Variants in CYB5R3 observed in about 807,000 individuals in gnomAD.
CYB5R3 encodes cytochrome b5 reductase 3.
A neutral mutation model predicts 36.5 loss-of-function variants in CYB5R3; 28 were observed. That is an observed-to-expected ratio of 0.77 (90% CI 0.57 to 1.05). CYB5R3 has a LOEUF of 1.05. CYB5R3 is among the 50% of genes least tolerant of loss of function. The pLI is 0.00. For missense variants in CYB5R3, 474 were observed against 408.9 expected (o/e 1.16, Z -1.37); for synonymous variants, 181 against 159.8 (o/e 1.13, Z -1.00).
chr22:42,627,526 C>G (rs893388221), intron 6 of CYB5R3, 79 bp downstream of exon 6: 11 of 1,499,374 alleles, frequency 7.3e-6, no homozygotes, highest in African/African-American at 1.4e-5. Context: ...CCCAGGCACT[C>G]AGAACCTGCG....
intron 8 of CYB5R3, among the ~76,000 whole-genome samples, chr22:42,623,532 T>A (rs1928096417): frequency 6.6e-6 from 1 of 152,024 alleles, no homozygotes; most frequent in African/African-American, 2.4e-5. Context: ...AGCTGGGCAG[T>A]GCAGTGCGCC....
chr22:42,639,859 G>C, intron 1 of CYB5R3: 1 of 1,200,280 alleles, frequency 8.3e-7, no homozygotes, highest in Non-Finnish European at 1.1e-6. Flanking sequence ...TTTTTTTTTG[G>C]AATTTCTGAC....
At chr22:42,630,320 G>C (rs949683749) in intron 4 of CYB5R3, among the ~76,000 whole-genome samples, 1 of 152,156 alleles carries the variant, frequency 6.6e-6, no homozygotes, top group Non-Finnish European at 1.5e-5. Flanking sequence ...TCCCTAGCAG[G>C]CCTGAGGGAC....
intron 8 of CYB5R3, among the ~76,000 whole-genome samples, chr22:42,623,370 G>A (rs1928085885): frequency 6.6e-6 from 1 of 152,178 alleles, no homozygotes; most frequent in Non-Finnish European, 1.5e-5. Flanking sequence ...ACTCCCCAGG[G>A]CTGACAATGG....
chr22:42,621,183 AGTGTGTGTGTGT>A lies in CYB5R3; in HGVS notation c.734-1250_734-1239del, dbSNP rs61564405. Among the ~76,000 whole-genome samples the A allele has an allele frequency of 3.0e-3, 448 of 147,814 alleles. 2 individuals are homozygous for A. The highest frequency in any genetic ancestry group is 0.01 in the African/African-American group (412 of 40,348). On this transcript the variant is annotated intron_variant, in intron 8 of 8. Transcript: ENST00000352397. ...TTCAATTTCACAGCGATTTCTTTTT[AGTGTGTGTGTGT>A]GTGTGTGTGTGTGTGTGTGTGTGTT...
chr22:42,618,748 C>T lies in CYB5R3; in HGVS notation c.*1025G>A, dbSNP rs1927778270. 6.6e-6 allele frequency: 1 copy of T among 151,632 alleles called. No individual in the cohort carries two copies. Among genetic ancestry groups the T allele is most frequent in the African/African-American group, 2.4e-5 (1 of 41,292 alleles). The allele number at this position is 151,632 out of a possible 1,614,324, so 9.4% of individuals were successfully genotyped here. A position where few individuals can be genotyped will look rare whatever the true frequency, so the allele number is the denominator to read the frequency against. On this transcript the variant is annotated 3_prime_UTR_variant, in exon 9 of 9. Transcript: ENST00000352397. ...AGAAAAAAAAAATGCTAGGTCTTCC[C>T]CAGCCCTTTCCTGACCCCACCCCTT... is the stretch of plus-strand genomic sequence containing the variant.
At chr22:42,630,142 G>T (rs978537425) in intron 4 of CYB5R3, among the ~76,000 whole-genome samples, 2 of 152,118 alleles carry the variant, frequency 1.3e-5, no homozygotes, top group African/African-American at 4.8e-5. Context: ...TGCTGGGGCC[G>T]TCATGCTGCC....
chr22:42,628,142 C>G lies in CYB5R3; in HGVS notation c.463+10G>C, dbSNP rs774593690. 6.2e-7 allele frequency: 1 copy of G among 1,613,812 alleles called. No homozygotes were observed. Among genetic ancestry groups the G allele is most frequent in the Non-Finnish European group, 8.5e-7 (1 of 1,179,906 alleles). On this transcript the variant is annotated intron_variant, in intron 5 of 8. Transcript: ENST00000352397. The stretch of plus-strand genomic sequence containing the variant: ...CTGCCGTGTAACCAAGGGATTCCGA[C>G]CCGAATCACCTTTGCCCTGGTAGAC...
Position 42,631,324 on chromosome 22 carries a change from A to C in CYB5R3, c.226+54T>G, listed in dbSNP as rs1928603632. The stretch of plus-strand genomic sequence containing the variant: ...TGTAAAGCTTCCATCTCTCTGATCT[A>C]GTGCCCCAGCAGCCTGCCGGGCTCC... On this transcript the variant is annotated intron_variant, in intron 3 of 8. Coordinates refer to ENST00000352397, the MANE Select transcript of CYB5R3 (RefSeq NM_000398.7). 1.1e-5 allele frequency: 16 copies of C among 1,485,410 alleles called. No individual in the cohort carries two copies. The South Asian group carries it at 1.5e-4, about 13-fold the overall frequency. 92.0% of individuals were successfully genotyped at this position (1,485,410 alleles called of 1,614,324 possible).
At chr22:42,633,125 C>T (rs1217555717) in intron 2 of CYB5R3, 1 of 152,372 alleles carries the variant, frequency 6.6e-6, no homozygotes, top group Non-Finnish European at 1.5e-5. Context: ...GCACCCAGAG[C>T]AGGCCCGCTG....
At chr22:42,631,570 G>C (rs1928623484) in intron 2 of CYB5R3, 120 bp from the exon 3 acceptor site, 2 of 871,100 alleles carry the variant, frequency 2.3e-6, no homozygotes, top group Non-Finnish European at 3.8e-6. Flanking sequence ...CCCAGTGCCT[G>C]CTTGTCCTTG....
At chr22:42,626,687 C>A (rs6002826) in intron 7 of CYB5R3, among the ~76,000 whole-genome samples, 3,537 of 152,284 alleles carry the variant, frequency 0.023, 133 homozygotes, top group African/African-American at 0.081. Flanking sequence ...AGCATCTTCT[C>A]CCCCAAATCT....
chr22:42,627,264 G>C (rs1203786328), intron 7 of CYB5R3, 40 bp downstream of exon 7: 1 of 1,571,576 alleles, frequency 6.4e-7, no homozygotes, highest in Non-Finnish European at 8.7e-7. Flanking sequence ...TCCCCTCTCA[G>C]GGTAAGCTGA....
intron 3 of CYB5R3, 126 bp downstream of exon 3, chr22:42,631,252 C>T: frequency 1.0e-6 from 1 of 991,102 alleles, no homozygotes; most frequent in Non-Finnish European, 1.5e-6. Context: ...AGGCCCAGGG[C>T]AGCTGTCACC....
rs368463503 is a variant in CYB5R3 at position 42,636,846 on chromosome 22, A to C, written c.22T>G (p.Leu8Val). The change falls in exon 2 of 9, where the codon TTG becomes GTG. Residue 8 changes from leucine (L) to valine (V), a missense_variant and splice_region_variant. Coordinates refer to ENST00000352397, the MANE Select transcript of CYB5R3 (RefSeq NM_000398.7). The stretch of plus-strand genomic sequence containing the variant: ...ACTGGGAAGAGCACCATATGGCCCA[A>C]CTGAAACGACAGGACCCGCGGGGTC... MGAQLST[L>V]GHMVLFPVWF... The C allele has an allele frequency of 6.2e-6, 10 of 1,613,342 alleles. No homozygotes were observed. The African/African-American group carries it at 1.3e-4, about 22-fold the overall frequency.
At chr22:42,620,131 A>G (rs549162843) in intron 8 of CYB5R3, among the ~76,000 whole-genome samples, 186 bp from the exon 9 acceptor site, 1 of 152,292 alleles carries the variant, frequency 6.6e-6, no homozygotes, top group Admixed American at 6.5e-5. Context: ...CTGCAGCCTG[A>G]AACCAGTGTA....
At chr22:42,635,867 G>A (rs1297916819) in intron 2 of CYB5R3, among the ~76,000 whole-genome samples, 1 of 152,196 alleles carries the variant, frequency 6.6e-6, no homozygotes, top group Non-Finnish European at 1.5e-5. Context: ...GCCTTTACTG[G>A]GGGCAAGGCA....
intron 2 of CYB5R3, 52 bp downstream of exon 2, chr22:42,636,663 T>C: frequency 1.9e-6 from 3 of 1,599,256 alleles, no homozygotes; most frequent in Non-Finnish European, 1.7e-6. Context: ...ACAGAGTAGG[T>C]GCTGGGCAAT....
intron 1 of CYB5R3, chr22:42,647,045 T>G: frequency 1.1e-6 from 1 of 883,256 alleles, no homozygotes; most frequent in Non-Finnish European, 1.4e-6. Flanking sequence ...GGGAGAGGCC[T>G]CCCATGGGGC....
Sources: gnomAD v4.1 joint callset for allele counts (sites outside exome capture counted in the v4.1 genomes callset) on GRCh38, gnomAD v4.1.1 for gene constraint, MANE v1.5 for transcripts, NCBI Gene and HGNC (gene_info 2026-07-23, HGNC 2026-07-21) for gene names.